The following COL13A1 variants were observed in gnomAD, a reference collection of about 807,000 sequenced individuals.
COL13A1 encodes the protein collagen type XIII alpha 1 chain.
In COL13A1, 89 loss-of-function variants were observed where a neutral mutation model predicts 130.9. The ratio of observed to expected loss-of-function variants is 0.68; its 90% confidence interval spans 0.57 to 0.81. The LOEUF (loss-of-function observed/expected upper bound fraction) is 0.81, where lower values mean the gene tolerates loss of function less well. COL13A1 is among the 30% of genes least tolerant of loss of function. The probability of loss-of-function intolerance (pLI) is 0.00; values close to 1 mark genes in which losing one functional copy is unlikely to be tolerated. For missense variants in COL13A1, 879 were observed against 934.6 expected (o/e 0.94, Z 0.78); for synonymous variants, 402 against 341.6 (o/e 1.18, Z -1.95).
chr10:69,912,591 C>T (rs1042321198), intron 17 of COL13A1, among the ~76,000 whole-genome samples: 13 of 147,048 alleles, frequency 8.8e-5, no homozygotes, highest in African/African-American at 2.8e-4. Context: ...CACTCTCAGG[C>T]GGGCCTTCCT....
rs150990689 is a variant in COL13A1 at position 69,896,154 on chromosome 10, C to A, written c.684+578C>A. Among the ~76,000 whole-genome samples, 473 of 152,240 alleles carry A rather than the reference C, an allele frequency of 3.1e-3. 3 individuals carry two copies. The highest frequency in any genetic ancestry group is 0.01 in the African/African-American group (435 of 41,548). On this transcript the variant is annotated intron_variant, in intron 13 of 40. Coordinates refer to ENST00000645393, the MANE Select transcript of COL13A1 (RefSeq NM_001368882.1). Reference sequence around the variant, plus strand: ...AATCTCTCCTTGGCCTCTTTAAAAGCAGAGGAAACCCTTCTCCAAGCAGGG... The same window carrying A: ...AATCTCTCCTTGGCCTCTTTAAAAGAAGAGGAAACCCTTCTCCAAGCAGGG...
intron 14 of COL13A1, 107 bp from the exon 15 acceptor site, chr10:69,902,641 C>T: frequency 1.2e-6 from 1 of 865,148 alleles, no homozygotes; most frequent in Middle Eastern, 2.8e-4. Context: ...ACCACTCCTT[C>T]CCGGCAGAAA....
intron 1 of COL13A1, among the ~76,000 whole-genome samples, chr10:69,817,300 G>C (rs1472248004): frequency 1.3e-5 from 2 of 151,968 alleles, no homozygotes; most frequent in African/African-American, 2.4e-5. Context: ...GGGGAGCTTA[G>C]GAGGAGAGAA....
At chr10:69,931,547 T>C (rs2066122917) in intron 30 of COL13A1, among the ~76,000 whole-genome samples, 1 of 152,144 alleles carries the variant, frequency 6.6e-6, no homozygotes. Context: ...CTCTAGGAAG[T>C]GGAAAGAGCC....
intron 2 of COL13A1, among the ~76,000 whole-genome samples, chr10:69,824,514 G>A (rs1249516683): frequency 9.2e-5 from 14 of 152,228 alleles, no homozygotes; most frequent in Admixed American, 7.2e-4. Context: ...AATGTGGCAG[G>A]AGGGGGAAGG....
intron 35 of COL13A1, among the ~76,000 whole-genome samples, chr10:69,943,199 C>T (rs2067917471): frequency 6.8e-6 from 1 of 146,946 alleles, no homozygotes; most frequent in Non-Finnish European, 1.5e-5. Context: ...TTCCTTCCCT[C>T]CTTGTGGTTG....
intron 7 of COL13A1, among the ~76,000 whole-genome samples, chr10:69,887,059 A>T (rs1247226794): frequency 6.6e-6 from 1 of 152,170 alleles, no homozygotes; most frequent in African/African-American, 2.4e-5. Flanking sequence ...ATGAGCAATG[A>T]CTGTGTAAAT....
chr10:69,836,046 TG>T lies in COL13A1; in HGVS notation c.364+13611del, dbSNP rs1436421387. On this transcript the variant is annotated intron_variant, in intron 2 of 40. Coordinates refer to ENST00000645393, the MANE Select transcript of COL13A1 (RefSeq NM_001368882.1). ...AGCCAGAATTTAAGTAGTCTGAGTCTGGGCAAACCAGAGCAGCATCAGAAGC... is the reference window on the plus strand; with the variant it reads ...AGCCAGAATTTAAGTAGTCTGAGTCTGGCAAACCAGAGCAGCATCAGAAGC... Among the ~76,000 whole-genome samples the T allele has an allele frequency of 5.9e-5, 9 of 152,264 alleles. No individual in the cohort carries two copies. The East Asian group carries it at 1.7e-3, about 29-fold the overall frequency.
chr10:69,920,140 C>A (rs1267633693), intron 21 of COL13A1, among the ~76,000 whole-genome samples: 1 of 152,234 alleles, frequency 6.6e-6, no homozygotes, highest in Non-Finnish European at 1.5e-5. Context: ...CCCCTCTTGG[C>A]CAGCCTCAGG....
intron 1 of COL13A1, among the ~76,000 whole-genome samples, chr10:69,818,814 C>T (rs1845292228): frequency 6.6e-6 from 1 of 152,204 alleles, no homozygotes; most frequent in Admixed American, 6.5e-5. Flanking sequence ...TCAGATAATG[C>T]CCACCCCCTA....
chr10:69,822,515 T>C, intron 2 of COL13A1, 77 bp downstream of exon 2: 1 of 1,072,074 alleles, frequency 9.3e-7, no homozygotes, highest in Non-Finnish European at 1.3e-6. Flanking sequence ...GGCCATGCTC[T>C]AGCCACACCT....
intron 25 of COL13A1, among the ~76,000 whole-genome samples, chr10:69,925,568 C>T (rs758242032): frequency 3.3e-5 from 5 of 152,208 alleles, no homozygotes; most frequent in Non-Finnish European, 7.3e-5. Flanking sequence ...CACAGGTGGA[C>T]CCAATCTTCC....
intron 5 of COL13A1, among the ~76,000 whole-genome samples, chr10:69,876,407 G>A (rs1449620699): frequency 6.6e-6 from 1 of 152,186 alleles, no homozygotes; most frequent in Non-Finnish European, 1.5e-5. Context: ...AAGCCCCAGA[G>A]GCCTGGGATA....
intron 14 of COL13A1, among the ~76,000 whole-genome samples, chr10:69,899,389 G>A (rs1196941227): frequency 6.6e-6 from 1 of 152,234 alleles, no homozygotes; most frequent in African/African-American, 2.4e-5. Flanking sequence ...GGTAACTGAG[G>A]CTCAGAGAAG....
chr10:69,847,135 G>A (rs575927906), intron 2 of COL13A1, among the ~76,000 whole-genome samples: 8 of 152,240 alleles, frequency 5.3e-5, no homozygotes, highest in Middle Eastern at 3.4e-3. Context: ...ACAGGGTGCC[G>A]GACCGCATGC....
chr10:69,846,076 C>T (rs1197311570), intron 2 of COL13A1, among the ~76,000 whole-genome samples: 1 of 152,258 alleles, frequency 6.6e-6, no homozygotes, highest in Non-Finnish European at 1.5e-5. Flanking sequence ...GGTTCCCGTG[C>T]CCTCCCTCCT....
In COL13A1 at chr10:69,821,455, T is replaced by C. The variant is rs574847302; in HGVS notation, c.295-914T>C. ...CTTACCTGTGACATGAACATGGTAA[T>C]AGCTAACATTCATTGAGAACTTCCT... On this transcript the variant is annotated intron_variant, in intron 1 of 40. Coordinates refer to ENST00000645393, the MANE Select transcript of COL13A1 (RefSeq NM_001368882.1). Among the ~76,000 whole-genome samples the C allele has an allele frequency of 7.2e-5, 11 of 152,360 alleles. No individual in the cohort carries two copies. The South Asian group carries it at 2.3e-3, about 32-fold the overall frequency.
intron 2 of COL13A1, among the ~76,000 whole-genome samples, chr10:69,847,971 C>T (rs577704437): frequency 1.3e-5 from 2 of 152,360 alleles, no homozygotes; most frequent in South Asian, 4.1e-4. Context: ...GCTTGGAACA[C>T]AGGCAGGAAA....
intron 16 of COL13A1, 36 bp downstream of exon 16, chr10:69,904,995 G>T: frequency 1.3e-6 from 2 of 1,558,110 alleles, no homozygotes; most frequent in South Asian, 1.2e-5. Context: ...TGAACAGGTG[G>T]GAGAATTCCC....
Sources: gnomAD v4.1 joint callset for allele counts (sites outside exome capture counted in the v4.1 genomes callset) on GRCh38, gnomAD v4.1.1 for gene constraint, MANE v1.5 for transcripts, NCBI Gene and HGNC (gene_info 2026-07-23, HGNC 2026-07-21) for gene names.